VPS41: variants seen among roughly 807,000 people sequenced by gnomAD.
VPS41 encodes the protein vacuolar protein sorting-associated protein 41 homolog.
VPS41 carries 85 observed loss-of-function variants against 130.9 expected under a neutral mutation model. The observed-to-expected ratio is 0.65, with a 90% CI of 0.55 to 0.78. The LOEUF (loss-of-function observed/expected upper bound fraction) is 0.78, where lower values mean the gene tolerates loss of function less well. VPS41 is among the 30% of genes least tolerant of loss of function. The probability of loss-of-function intolerance (pLI) is 0.00; values close to 1 mark genes in which losing one functional copy is unlikely to be tolerated. For synonymous variants in VPS41, 335 were observed against 332.9 expected (o/e 1.01, Z -0.07); for missense variants, 874 against 1,018.7 (o/e 0.86, Z 1.93).
intron 10 of VPS41, among the ~76,000 whole-genome samples, chr7:38,783,043 G>A (rs1035658010): frequency 7.9e-5 from 12 of 152,014 alleles, no homozygotes; most frequent in African/African-American, 2.7e-4. Context: ...GCTTGAACCC[G>A]CGAGCACCCA....
chr7:38,774,384 A>C, intron 11 of VPS41, 140 bp from the exon 12 acceptor site: 1 of 737,626 alleles, frequency 1.4e-6, no homozygotes, highest in Non-Finnish European at 1.9e-6. Context: ...TTATAAAGGA[A>C]AGAGGTTTAA....
At chr7:38,795,662 G>C (rs1488463881) in intron 8 of VPS41, 51 bp from the exon 9 acceptor site, 2 of 1,536,882 alleles carry the variant, frequency 1.3e-6, no homozygotes, top group South Asian at 2.4e-5. Context: ...GAAAGTAACA[G>C]AAAACTTATT....
intron 7 of VPS41, among the ~76,000 whole-genome samples, chr7:38,814,746 T>G (rs937867419): frequency 6.6e-5 from 10 of 152,230 alleles, no homozygotes; most frequent in Admixed American, 2.0e-4. Context: ...AACACTCATA[T>G]TATCTCTGGT....
intron 14 of VPS41, among the ~76,000 whole-genome samples, chr7:38,768,749 C>T (rs907164737): frequency 2.0e-5 from 3 of 152,174 alleles, no homozygotes; most frequent in Admixed American, 6.5e-5. Context: ...ATCCTTCCAA[C>T]CTTTCTCCTC....
At chr7:38,768,830 C>G (rs1284940600) in intron 14 of VPS41, among the ~76,000 whole-genome samples, 1 of 151,984 alleles carries the variant, frequency 6.6e-6, no homozygotes, top group Admixed American at 6.6e-5. Context: ...CCTTTTATGT[C>G]AACTCTATTT....
chr7:38,785,210 C>T (rs1784418607), intron 10 of VPS41, among the ~76,000 whole-genome samples: 1 of 152,224 alleles, frequency 6.6e-6, no homozygotes, highest in Non-Finnish European at 1.5e-5. Flanking sequence ...GACCACTTAT[C>T]ACTGAAAATA....
intron 1 of VPS41, among the ~76,000 whole-genome samples, chr7:38,907,746 A>C (rs925429508): frequency 6.6e-6 from 1 of 152,122 alleles, no homozygotes; most frequent in Non-Finnish European, 1.5e-5. Context: ...TCTAGGAGCA[A>C]CTCTCTCCAT....
chr7:38,731,612 C>T (rs978697186), intron 25 of VPS41, among the ~76,000 whole-genome samples: 3 of 152,072 alleles, frequency 2.0e-5, no homozygotes, highest in Non-Finnish European at 4.4e-5. Context: ...CATCACCTTC[C>T]CCATCTCCCT....
At chr7:38,749,061 C>T (rs967959622) in intron 22 of VPS41, among the ~76,000 whole-genome samples, 1 of 152,164 alleles carries the variant, frequency 6.6e-6, no homozygotes, top group Non-Finnish European at 1.5e-5. Context: ...TAAATTCCCA[C>T]AAACTCTGTA....
chr7:38,812,429 CAA>C (rs572572791), intron 7 of VPS41, among the ~76,000 whole-genome samples: 66 of 152,050 alleles, frequency 4.3e-4, no homozygotes, highest in African/African-American at 1.6e-3. Context: ...GTAAAAAATA[CAA>C]AAGTCTTAAA....
At chr7:38,846,980 T>C (rs1219317939) in intron 4 of VPS41, among the ~76,000 whole-genome samples, 1 of 152,160 alleles carries the variant, frequency 6.6e-6, no homozygotes, top group Admixed American at 6.5e-5. Context: ...TGACTTTTTC[T>C]TGGGCCCAAT....
intron 10 of VPS41, among the ~76,000 whole-genome samples, chr7:38,783,972 C>T (rs1469512192): frequency 1.3e-5 from 2 of 152,162 alleles, no homozygotes; most frequent in Admixed American, 1.3e-4. Context: ...AAAACATTAT[C>T]AATCTCCTCG....
At chr7:38,776,136 G>C (rs550834015) in intron 11 of VPS41, among the ~76,000 whole-genome samples, 9 of 152,236 alleles carry the variant, frequency 5.9e-5, no homozygotes, top group Non-Finnish European at 1.3e-4. Context: ...ATCATCTGCT[G>C]CTTTTTATTA....
At chr7:38,806,323 G>T (rs1287644811) in intron 7 of VPS41, among the ~76,000 whole-genome samples, 1 of 152,106 alleles carries the variant, frequency 6.6e-6, no homozygotes, top group Non-Finnish European at 1.5e-5. Flanking sequence ...AGATTTCAAG[G>T]TTCACCACAT....
chr7:38,778,365 T>C (rs575707431), intron 10 of VPS41, among the ~76,000 whole-genome samples: 26 of 152,294 alleles, frequency 1.7e-4, no homozygotes, highest in Middle Eastern at 6.8e-3. Context: ...GTAACCAGGC[T>C]GCGGAAGGTT....
At chr7:38,734,007 G>A (rs926698269) in intron 25 of VPS41, among the ~76,000 whole-genome samples, 1 of 152,110 alleles carries the variant, frequency 6.6e-6, no homozygotes, top group African/African-American at 2.4e-5. Context: ...GATCACTTGA[G>A]CCCGGGAGGT....
intron 22 of VPS41, 47 bp from the exon 23 acceptor site, chr7:38,745,660 G>A (rs747754399): frequency 2.2e-6 from 3 of 1,386,884 alleles, no homozygotes; most frequent in South Asian, 1.2e-5. Flanking sequence ...GACCAAATAA[G>A]AACAAACAGT....
intron 7 of VPS41, among the ~76,000 whole-genome samples, chr7:38,813,966 C>T (rs971415010): frequency 2.0e-5 from 3 of 152,156 alleles, no homozygotes; most frequent in Admixed American, 2.0e-4. Context: ...ACAAACCAAA[C>T]CCCTGATGTT....
chr7:38,726,827 G>T, intron 28 of VPS41, 82 bp downstream of exon 28: 2 of 1,240,764 alleles, frequency 1.6e-6, no homozygotes, highest in Non-Finnish European at 2.1e-6. Context: ...CAGCCATAAG[G>T]ATGAAGGGTT....
Sources: allele counts gnomAD v4.1 joint callset (sites outside exome capture counted in the v4.1 genomes callset), GRCh38; gene constraint gnomAD v4.1.1; transcripts MANE v1.5; gene names NCBI Gene and HGNC (gene_info 2026-07-23, HGNC 2026-07-21).